Variants in COLEC10 observed in about 807,000 individuals in gnomAD.
COLEC10 encodes the protein collectin-10.
A neutral mutation model predicts 28.4 loss-of-function variants in COLEC10; 22 were observed. The observed-to-expected ratio is 0.78, with a 90% CI of 0.55 to 1.11. The LOEUF is 1.11. COLEC10 is among the 50% of genes least tolerant of loss of function. The pLI is 0.00. For missense variants in COLEC10, 361 were observed against 344.1 expected (o/e 1.05, Z -0.39); for synonymous variants, 125 against 116.1 (o/e 1.08, Z -0.49).
rs565192354 is a variant in COLEC10, at chr8:119,022,642, A to G, written n.235+13089A>G. Among the ~76,000 whole-genome samples the G allele has an allele frequency of 7.6e-4, 115 of 152,044 alleles. 1 individual carries two copies. The highest frequency in any genetic ancestry group is 2.4e-3 in the African/African-American group (101 of 41,474). On this transcript the variant is annotated intron_variant and non_coding_transcript_variant, in intron 2 of 6. Transcript: ENST00000521788. ...ACTTTTTCCCACCTTCTCTTCTACCACTGTTGTATGAAGGGCACTCACCTC... is the reference window on the plus strand; with the variant it reads ...ACTTTTTCCCACCTTCTCTTCTACCGCTGTTGTATGAAGGGCACTCACCTC...
the COLEC10 span, among the ~76,000 whole-genome samples, chr8:118,966,758 T>C: frequency 6.6e-6 from 1 of 152,086 alleles, no homozygotes; most frequent in African/African-American, 2.4e-5. Flanking sequence ...GGAATTTTAC[T>C]CTTCAGCTCC....
chr8:118,972,761 C>T, the COLEC10 span, among the ~76,000 whole-genome samples: 2 of 151,846 alleles, frequency 1.3e-5, no homozygotes. Context: ...ACCCCTACTC[C>T]AGGTGTATTA....
At chr8:119,050,869 C>T (rs1468597886) in intron 2 of COLEC10, among the ~76,000 whole-genome samples, 2 of 152,220 alleles carry the variant, frequency 1.3e-5, no homozygotes, top group Non-Finnish European at 2.9e-5. Flanking sequence ...AACTCCTACA[C>T]TGCTCCCTAT....
intron 2 of COLEC10, among the ~76,000 whole-genome samples, chr8:119,012,447 G>T (rs1414697633): frequency 6.7e-6 from 1 of 150,320 alleles, no homozygotes; most frequent in Non-Finnish European, 1.5e-5. Context: ...TAAGGTCTTG[G>T]TCTGGTTTTA....
At chr8:119,102,627 C>CTATG (rs1815860326) in intron 4 of COLEC10, 2 of 434,842 alleles carry the variant, frequency 4.6e-6, no homozygotes, top group African/African-American at 4.2e-5. Flanking sequence ...GCCATGCTTA[C>CTATG]TATGAGAAGA....
the COLEC10 span, among the ~76,000 whole-genome samples, chr8:118,984,572 G>T: frequency 6.6e-6 from 1 of 152,108 alleles, no homozygotes; most frequent in African/African-American, 2.4e-5. Flanking sequence ...TCCTAATCCT[G>T]TGGCTCGTGT....
intron 2 of COLEC10, among the ~76,000 whole-genome samples, chr8:119,046,485 A>G (rs915336060): frequency 5.3e-5 from 8 of 152,198 alleles, no homozygotes; most frequent in Admixed American, 6.5e-5. Flanking sequence ...AAGTCCATAA[A>G]TGTACAGTAA....
the COLEC10 span, among the ~76,000 whole-genome samples, chr8:118,979,257 T>C: frequency 6.6e-6 from 1 of 152,102 alleles, no homozygotes; most frequent in African/African-American, 2.4e-5. Context: ...CACTTAGAAC[T>C]GTCACTTTAA....
chr8:119,055,883 C>G (rs537725013), intron 2 of COLEC10, among the ~76,000 whole-genome samples: 1 of 151,936 alleles, frequency 6.6e-6, no homozygotes, highest in Admixed American at 6.6e-5. Context: ...ATTTTTTGAG[C>G]TCTCATTCAC....
At chr8:118,988,279 T>A in the COLEC10 span, among the ~76,000 whole-genome samples, 3 of 151,844 alleles carry the variant, frequency 2.0e-5, no homozygotes, top group Non-Finnish European at 4.4e-5. Context: ...CCCCTTAGGG[T>A]TCTGGCGGTG....
At chr8:119,095,742 A>C (rs1233101301) in intron 3 of COLEC10, among the ~76,000 whole-genome samples, 1 of 152,140 alleles carries the variant, frequency 6.6e-6, no homozygotes, top group South Asian at 2.1e-4. Flanking sequence ...AAATCCCAGA[A>C]GTGTTCTTTT....
intron 1 of COLEC10, among the ~76,000 whole-genome samples, chr8:119,008,998 TAAACAC>T (rs142696928): frequency 0.029 from 4,444 of 151,174 alleles, 185 homozygotes; most frequent in East Asian, 0.16. Flanking sequence ...TTAGAATTCT[TAAACAC>T]AAACACATAC....
At chr8:119,081,336 G>A (rs1478562485) in intron 1 of COLEC10, among the ~76,000 whole-genome samples, 4 of 152,028 alleles carry the variant, frequency 2.6e-5, no homozygotes, top group African/African-American at 7.2e-5. Context: ...ATTATTTATT[G>A]CTTATATTTT....
At chr8:118,979,640 C>T in the COLEC10 span, among the ~76,000 whole-genome samples, 1 of 151,824 alleles carries the variant, frequency 6.6e-6, no homozygotes, top group Non-Finnish European at 1.5e-5. Context: ...AACCATCATC[C>T]CAGTGTTCAA....
chr8:118,981,406 T>C, the COLEC10 span, among the ~76,000 whole-genome samples: 1 of 152,118 alleles, frequency 6.6e-6, no homozygotes, highest in Non-Finnish European at 1.5e-5. Flanking sequence ...TTTATCAATT[T>C]ATCTAGTTAT....
the COLEC10 span, among the ~76,000 whole-genome samples, chr8:118,961,625 A>T: frequency 6.6e-6 from 1 of 151,974 alleles, no homozygotes; most frequent in Non-Finnish European, 1.5e-5. Flanking sequence ...TACTCTTTTC[A>T]CTCAGGCCAG....
chr8:119,031,626 G>C (rs979529932), intron 2 of COLEC10, among the ~76,000 whole-genome samples: 11 of 152,220 alleles, frequency 7.2e-5, no homozygotes, highest in African/African-American at 2.7e-4. Context: ...AAAGAGCATA[G>C]TAAGTAGGGT....
At chr8:119,069,510 G>A (rs1054333033) in intron 1 of COLEC10, among the ~76,000 whole-genome samples, 1 of 146,708 alleles carries the variant, frequency 6.8e-6, no homozygotes, top group Non-Finnish European at 1.5e-5. Flanking sequence ...GGACGTCTGA[G>A]GCAGGAGAAT....
rs1350060255 is a variant in COLEC10 at position 119,091,597 on chromosome 8, GAAAGAA to G, written c.292+379_292+384del. Among the ~76,000 whole-genome samples, 510 of 123,282 alleles carry G rather than the reference GAAAGAA, an allele frequency of 4.1e-3. 3 individuals are homozygous for G. The highest frequency in any genetic ancestry group is 0.017 in the African/African-American group (437 of 25,966). 80.9% of individuals were successfully genotyped at this position (123,282 alleles called of 152,430 possible). A position where few individuals can be genotyped will look rare whatever the true frequency, so the allele number is the denominator to read the frequency against. ...AAAGAGAGAGAGAGAGAGAGAGAGA[GAAAGAA>G]AGAAAGAAAGAAAGAAAGAAAGAAA... On this transcript the variant is annotated intron_variant, in intron 3 of 5. Coordinates refer to ENST00000332843, the MANE Select transcript of COLEC10 (RefSeq NM_006438.5).
Sources: gnomAD v4.1 joint callset for allele counts (sites outside exome capture counted in the v4.1 genomes callset) on GRCh38, gnomAD v4.1.1 for gene constraint, MANE v1.5 for transcripts, NCBI Gene and HGNC (gene_info 2026-07-23, HGNC 2026-07-21) for gene names.